Variants in TRIO observed in about 807,000 individuals in gnomAD.
TRIO encodes the protein triple functional domain protein.
TRIO carries 58 observed loss-of-function variants against 351.9 expected under a neutral mutation model. That is an observed-to-expected ratio of 0.16 (90% confidence interval 0.13 to 0.21). The LOEUF (loss-of-function observed/expected upper bound fraction) is 0.21. Ranked by LOEUF, TRIO falls within the 10% of genes least tolerant of loss-of-function variation. The pLI is 1.00. For missense variants in TRIO, 3,201 were observed against 4,027.8 expected (o/e 0.79, Z 5.56); for synonymous variants, 1,758 against 1,595.7 (o/e 1.10, Z -2.42).
chr5:14,257,177 C>T (rs969726211), intron 1 of TRIO, among the ~76,000 whole-genome samples: 1 of 152,218 alleles, frequency 6.6e-6, no homozygotes, highest in Non-Finnish European at 1.5e-5. Flanking sequence ...TGTCCAGTCG[C>T]GGCTTTCCGC....
chr5:14,334,280 C>T (rs529861559), intron 10 of TRIO, among the ~76,000 whole-genome samples: 3 of 152,238 alleles, frequency 2.0e-5, no homozygotes, highest in African/African-American at 4.8e-5. Context: ...GTCTCGTTCC[C>T]GGGAAAACCT....
chr5:14,383,366 C>G (rs1265441389), intron 21 of TRIO, among the ~76,000 whole-genome samples: 2 of 152,214 alleles, frequency 1.3e-5, no homozygotes, highest in Admixed American at 1.3e-4. Flanking sequence ...ACAGCCTGCT[C>G]ACTGCCCAGC....
At chr5:14,238,315 G>A (rs1349204558) in intron 1 of TRIO, among the ~76,000 whole-genome samples, 2 of 152,208 alleles carry the variant, frequency 1.3e-5, no homozygotes, top group Non-Finnish European at 2.9e-5. Context: ...TGATTTGAAT[G>A]TGGTCATTAA....
At chr5:14,224,216 G>A (rs1441600516) in intron 1 of TRIO, among the ~76,000 whole-genome samples, 1 of 151,960 alleles carries the variant, frequency 6.6e-6, no homozygotes, top group Admixed American at 6.6e-5. Flanking sequence ...AGTATGTGAA[G>A]CGAGGACCCT....
chr5:14,509,585 C>T lies in TRIO; in HGVS notation c.*1163C>T. The T allele has an allele frequency of 3.3e-6, 1 of 307,404 alleles. No individual in the cohort carries two copies. The highest frequency in any genetic ancestry group is 6.3e-6 in the Non-Finnish European group (1 of 157,522). 19.0% of individuals were successfully genotyped at this position (307,404 alleles called of 1,614,324 possible). A position where few individuals can be genotyped will look rare whatever the true frequency, so the allele number is the denominator to read the frequency against. ...AAAGTATTATTTTTTTTCCCAAAATCAGTCTGGACATTTACTACTTTTTAG... is the reference window on the plus strand; with the variant it reads ...AAAGTATTATTTTTTTTCCCAAAATTAGTCTGGACATTTACTACTTTTTAG... On this transcript the variant is annotated 3_prime_UTR_variant, in exon 57 of 57. Coordinates refer to ENST00000344204, the MANE Select transcript of TRIO (RefSeq NM_007118.4).
chr5:14,334,557 G>A (rs938541069), intron 10 of TRIO, among the ~76,000 whole-genome samples: 1 of 152,184 alleles, frequency 6.6e-6, no homozygotes, highest in Non-Finnish European at 1.5e-5. Context: ...TACCAAATAT[G>A]AGAAGTCCAC....
intron 1 of TRIO, among the ~76,000 whole-genome samples, chr5:14,193,500 A>G (rs1396479322): frequency 2.0e-5 from 3 of 152,206 alleles, no homozygotes; most frequent in Non-Finnish European, 2.9e-5. Context: ...GCTGGTGTGT[A>G]TTCTAAAGCT....
chr5:14,185,556 G>A (rs902278097), intron 1 of TRIO, among the ~76,000 whole-genome samples: 1 of 152,188 alleles, frequency 6.6e-6, no homozygotes, highest in African/African-American at 2.4e-5. Flanking sequence ...AGGCAGAGAT[G>A]GCTCCTGGCT....
chr5:14,143,942 C>T, intron 1 of TRIO, 60 bp downstream of exon 1: 5 of 1,025,824 alleles, frequency 4.9e-6, no homozygotes, highest in Non-Finnish European at 5.8e-6. Context: ...GGCCGACCCG[C>T]CGCGGAGCTG....
At chr5:14,307,501 C>T (rs1045507243) in intron 8 of TRIO, among the ~76,000 whole-genome samples, 1 of 152,200 alleles carries the variant, frequency 6.6e-6, no homozygotes, top group African/African-American at 2.4e-5. Context: ...CCCCAGTTCT[C>T]GTGGGCTGAC....
chr5:14,382,917 G>A (rs1189995685), intron 21 of TRIO, among the ~76,000 whole-genome samples: 1 of 151,726 alleles, frequency 6.6e-6, no homozygotes, highest in Non-Finnish European at 1.5e-5. Context: ...TAATAGTTAT[G>A]CACATTATAT....
chr5:14,455,584 G>C (rs1337320665), intron 34 of TRIO, among the ~76,000 whole-genome samples: 1 of 151,762 alleles, frequency 6.6e-6, no homozygotes, highest in East Asian at 1.9e-4. Flanking sequence ...GCTAGACACA[G>C]AGTGCTGATT....
intron 34 of TRIO, among the ~76,000 whole-genome samples, chr5:14,421,762 C>T (rs936890839): frequency 6.6e-6 from 1 of 152,134 alleles, no homozygotes; most frequent in Non-Finnish European, 1.5e-5. Context: ...ACCATGTCCA[C>T]GTCCAGGAAA....
At chr5:14,464,931 C>G (rs1267489501) in intron 36 of TRIO, among the ~76,000 whole-genome samples, 1 of 152,156 alleles carries the variant, frequency 6.6e-6, no homozygotes, top group Non-Finnish European at 1.5e-5. Context: ...TAAGTGGCAT[C>G]TGATAGCTTG....
chr5:14,462,576 ACAAG>A (rs1753909017), intron 35 of TRIO, among the ~76,000 whole-genome samples, 175 bp from the exon 36 acceptor site: 1 of 152,200 alleles, frequency 6.6e-6, no homozygotes, highest in African/African-American at 2.4e-5. Flanking sequence ...ATCCAAGTTG[ACAAG>A]CAAAGCTATT....
chr5:14,246,179 C>A (rs987925653), intron 1 of TRIO, among the ~76,000 whole-genome samples: 9 of 152,112 alleles, frequency 5.9e-5, no homozygotes, highest in African/African-American at 9.7e-5. Context: ...GGTGAAAGTT[C>A]AAAATAATGC....
At chr5:14,361,435 G>T (rs1361471335) in intron 13 of TRIO, among the ~76,000 whole-genome samples, 1 of 152,186 alleles carries the variant, frequency 6.6e-6, no homozygotes, top group Admixed American at 6.5e-5. Context: ...GCCAGCTTCA[G>T]ATATGGTTCA....
At chr5:14,461,801 A>G (rs980554873) in intron 35 of TRIO, among the ~76,000 whole-genome samples, 4 of 152,224 alleles carry the variant, frequency 2.6e-5, no homozygotes, top group South Asian at 4.1e-4. Context: ...TTTTTCCCCA[A>G]TATTTATTAT....
chr5:14,309,848 A>G (rs1296178334), intron 8 of TRIO, among the ~76,000 whole-genome samples: 1 of 151,282 alleles, frequency 6.6e-6, no homozygotes, highest in African/African-American at 2.4e-5. Flanking sequence ...GTCCTTCCTT[A>G]TTCCCTTTCT....
Sources: gnomAD v4.1 joint callset for allele counts (sites outside exome capture counted in the v4.1 genomes callset) on GRCh38, gnomAD v4.1.1 for gene constraint, MANE v1.5 for transcripts, NCBI Gene and HGNC (gene_info 2026-07-23, HGNC 2026-07-21) for gene names.